DHX37: variants seen among roughly 807,000 people sequenced by gnomAD.
The protein encoded by DHX37 is DEAH-box helicase 37, also known as probable ATP-dependent RNA helicase DHX37.
Under a neutral mutation model 134.3 loss-of-function variants are expected in DHX37, and 52 were observed. That is an observed-to-expected ratio of 0.39 (90% CI 0.31 to 0.49). The LOEUF is 0.49. DHX37 is among the 20% of genes least tolerant of loss of function. The pLI, the probability that DHX37 is intolerant of heterozygous loss-of-function variation, is 0.93. For missense variants in DHX37, 1,344 were observed against 1,580.8 expected, an observed-to-expected ratio of 0.85 and a Z score of 2.54; for synonymous variants, 634 against 670.7, an observed-to-expected ratio of 0.95 and a Z score of 0.85.
At position 124,953,647 on chromosome 12, in the gene DHX37, C is replaced by T. The variant is rs539182921; in HGVS notation, c.2695+233G>A. 16 of 682,304 alleles carry T rather than the reference C, an allele frequency of 2.3e-5. 1 individual carries two copies. Among genetic ancestry groups the T allele is most frequent in the African/African-American group, 1.1e-4 (6 of 55,298 alleles). 42.3% of individuals were successfully genotyped at this position (682,304 alleles called of 1,614,324 possible). On this transcript the variant is annotated intron_variant, in intron 20 of 26. Transcript: ENST00000308736. ...CCAGGGAAAAGGTGAAACCGAGCGA[C>T]GACCTGGTGGGGGAGGGTGCAGGCT... is the stretch of plus-strand genomic sequence containing the variant.
At chr12:124,955,175 A>T (rs989220947) in intron 18 of DHX37, among the ~76,000 whole-genome samples, 12 of 152,236 alleles carry the variant, frequency 7.9e-5, no homozygotes, top group African/African-American at 2.9e-4. Context: ...CAGATAGCTA[A>T]TTAAGCCTTA....
intron 15 of DHX37, 85 bp downstream of exon 15, chr12:124,964,309 G>A (rs930656285): frequency 2.0e-5 from 32 of 1,583,256 alleles, no homozygotes; most frequent in African/African-American, 2.7e-5. Flanking sequence ...ACAGATGGAG[G>A]TGGGGGTCAG....
chr12:124,950,968 C>T (rs928239305), intron 21 of DHX37, among the ~76,000 whole-genome samples, 164 bp from the exon 22 acceptor site: 4 of 152,214 alleles, frequency 2.6e-5, no homozygotes, highest in African/African-American at 4.8e-5. Flanking sequence ...GAGTCTGATC[C>T]AGCCGTGAAA....
chr12:124,958,239 A>G (rs1401304672), intron 16 of DHX37, among the ~76,000 whole-genome samples: 2 of 152,242 alleles, frequency 1.3e-5, no homozygotes, highest in African/African-American at 4.8e-5. Context: ...CTCTATCTCA[A>G]TAAAGCTAGA....
Position 124,980,732 on chromosome 12 carries a change from C to G in DHX37, c.496G>C (p.Glu166Gln), listed in dbSNP as rs750096358. The stretch of plus-strand genomic sequence containing the variant: ...TCCAGCTCCGATTCCGACTCCTCCT[C>G]CTCCTCCTCCTCCTCCTCAGCTGAG... Reference protein sequence around the residue: ...WPSAEEEEEEEEESESELEEE... With the variant: ...WPSAEEEEEEQEESESELEEE... Residue 166 changes from glutamate (E) to glutamine (Q), a missense_variant, in exon 4 of 27, where the codon GAG becomes CAG. By Grantham distance (29) the Glu-to-Gln change is conservative. Around this residue, in one of 7 missense-constraint regions of DHX37, gnomAD observed 319 missense variants for 296.1 expected, o/e 1.08. Coordinates refer to ENST00000308736, the MANE Select transcript of DHX37 (RefSeq NM_032656.4). The surrounding 1 kb of genome is among the most constrained non-coding windows in gnomAD (Gnocchi z 5.3). 6.4e-7 allele frequency: 1 copy of G among 1,554,662 alleles called. No homozygotes were observed.
chr12:124,967,620 C>T (rs925347076), intron 10 of DHX37, among the ~76,000 whole-genome samples: 5 of 152,150 alleles, frequency 3.3e-5, no homozygotes, highest in East Asian at 1.9e-4. Flanking sequence ...ATGGGAGCCC[C>T]GAAAGGCCAT....
intron 3 of DHX37, among the ~76,000 whole-genome samples, chr12:124,982,148 G>A (rs906318366): frequency 6.0e-5 from 9 of 149,868 alleles, no homozygotes; most frequent in Non-Finnish European, 1.2e-4. Context: ...AAAAAAACAC[G>A]ACACAAACCA....
At chr12:124,966,029 G>A (rs750040820) in intron 12 of DHX37, among the ~76,000 whole-genome samples, 1 of 152,202 alleles carries the variant, frequency 6.6e-6, no homozygotes, top group African/African-American at 2.4e-5. Flanking sequence ...TGGTGGGAGG[G>A]TTGTGTGAAC....
intron 1 of DHX37, 125 bp from the exon 2 acceptor site, chr12:124,986,390 C>T (rs1007726327): frequency 9.4e-7 from 1 of 1,058,298 alleles, no homozygotes; most frequent in Non-Finnish European, 1.4e-6. Flanking sequence ...GATCTGTGAG[C>T]TCAAATCTAT....
At chr12:124,977,279 A>G in intron 5 of DHX37, 63 bp downstream of exon 5, 1 of 1,457,070 alleles carries the variant, frequency 6.9e-7, no homozygotes, top group South Asian at 1.5e-5. Context: ...GCTCTTATCG[A>G]CCTTTCAGGG....
chr12:124,989,052 G>C lies in DHX37; in HGVS notation c.-30C>G. Reference sequence around the variant, plus strand: ...ACTAGGCCAGGGTGGGCGCTCCAGCGGCCGGACCAGCAGAGCAATCCGAAA... The same window carrying C: ...ACTAGGCCAGGGTGGGCGCTCCAGCCGCCGGACCAGCAGAGCAATCCGAAA... On this transcript the variant is annotated 5_prime_UTR_variant, in exon 1 of 27. Transcript: ENST00000308736. 1 of 1,313,898 alleles carries C rather than the reference G, an allele frequency of 7.6e-7. No individual in the cohort carries two copies. Among genetic ancestry groups the C allele is most frequent in the Non-Finnish European group, 9.8e-7 (1 of 1,023,676 alleles). 81.4% of individuals were successfully genotyped at this position (1,313,898 alleles called of 1,614,324 possible). A position where few individuals can be genotyped will look rare whatever the true frequency, so the allele number is the denominator to read the frequency against.
At position 124,966,821 on chromosome 12, in the gene DHX37, C is replaced by G. The variant is rs1254338077; in HGVS notation, c.1562G>C (p.Arg521Thr). The change falls in exon 12 of 27, where the codon AGG becomes ACG. Residue 521 changes from arginine (R) to threonine (T), a missense_variant. Physicochemically the swap from Arg to Thr is moderately conservative, Grantham distance 71 (BLOSUM62 -1). This residue lies in a region of DHX37 where 289 missense variants were observed against 323.8 expected (regional missense o/e 0.89). Coordinates refer to ENST00000308736, the MANE Select transcript of DHX37 (RefSeq NM_032656.4). The part of the protein sequence containing the change: ...VEEMRKFKKS[R>T]ARAKKARAEV... ...AGCCCGCGCCTTCTTGGCCCTGGCC[C>G]TTGACTTCTTAAACTTCCGCATTTC... 2.0e-5 allele frequency: 33 copies of G among 1,614,140 alleles called. No individual in the cohort carries two copies. Among genetic ancestry groups the G allele is most frequent in the Non-Finnish European group, 2.7e-5 (32 of 1,180,052 alleles).
At chr12:124,974,551 G>A (rs7313313) in intron 6 of DHX37, among the ~76,000 whole-genome samples, 97,139 of 147,388 alleles carry the variant, frequency 0.66, 32,453 homozygotes, top group East Asian at 0.77. Flanking sequence ...AGCCCAGGAT[G>A]GGCCTGGCAC....
Position 124,960,566 on chromosome 12 carries a change from C to T in DHX37, c.2046-143G>A. 8 of 1,369,678 alleles carry T rather than the reference C, an allele frequency of 5.8e-6. No homozygotes were observed. The South Asian group carries it at 5.9e-5, about 10-fold the overall frequency. The allele number at this position is 1,369,678 out of a possible 1,614,324, so 84.8% of individuals were successfully genotyped here. On this transcript the variant is annotated intron_variant, in intron 15 of 26. Transcript: ENST00000308736. ...CTGGATCTTCACCTGACAGCAGGCA[C>T]GGTGCTTTACCGCTTCCTGCCTCAT...
At chr12:124,986,769 G>A (rs530418241) in intron 1 of DHX37, among the ~76,000 whole-genome samples, 5 of 151,828 alleles carry the variant, frequency 3.3e-5, no homozygotes, top group African/African-American at 9.7e-5. Flanking sequence ...TTTTTGAGAC[G>A]GTGTCTCACT....
chr12:124,989,116 G>C lies in DHX37; in HGVS notation c.-94C>G, dbSNP rs1021928861. On this transcript the variant is annotated 5_prime_UTR_variant, in exon 1 of 27. Transcript: ENST00000308736. The stretch of plus-strand genomic sequence containing the variant: ...GGTTCCCAGACCACCAACTCCGGCC[G>C]TGAGACTTCCGGGTTGTGTTATCGC... The C allele has an allele frequency of 1.4e-5, 11 of 772,164 alleles. No individual in the cohort carries two copies. The Admixed American group carries it at 3.9e-4, about 27-fold the overall frequency. The allele number at this position is 772,164 out of a possible 1,614,324, so 47.8% of individuals were successfully genotyped here. A position where few individuals can be genotyped will look rare whatever the true frequency, so the allele number is the denominator to read the frequency against.
intron 6 of DHX37, among the ~76,000 whole-genome samples, chr12:124,974,885 T>G (rs902810411): frequency 6.6e-6 from 1 of 152,062 alleles, no homozygotes; most frequent in South Asian, 2.1e-4. Context: ...CAAGTGATTC[T>G]CCTGCCTTAA....
At chr12:124,969,074 C>T in intron 8 of DHX37, 106 bp from the exon 9 acceptor site, 2 of 1,064,330 alleles carry the variant, frequency 1.9e-6, no homozygotes, top group Non-Finnish European at 2.7e-6. Flanking sequence ...TTTCCAGCCC[C>T]CACCCTCTGC....
chr12:124,966,975 G>A, intron 11 of DHX37, 97 bp from the exon 12 acceptor site: 1 of 1,560,184 alleles, frequency 6.4e-7, no homozygotes, highest in Non-Finnish European at 8.8e-7. Context: ...CTCAGTGGTG[G>A]CCATTTATTC....
Sources: allele counts gnomAD v4.1 joint callset (sites outside exome capture counted in the v4.1 genomes callset), GRCh38; gene constraint gnomAD v4.1.1; regional missense constraint gnomAD v4.1.1; non-coding constraint Gnocchi (gnomAD v3.1); transcripts MANE v1.5; gene names NCBI Gene and HGNC (gene_info 2026-07-23, HGNC 2026-07-21).